Variants in DNTTIP1 observed in about 807,000 individuals in gnomAD.
DNTTIP1 encodes deoxynucleotidyltransferase terminal-interacting protein 1.
Under a neutral mutation model 52.9 loss-of-function variants are expected in DNTTIP1, and 22 were observed. The observed-to-expected ratio is 0.42, with a 90% CI of 0.30 to 0.59. DNTTIP1 has a LOEUF of 0.59. Ranked by LOEUF, DNTTIP1 falls within the 20% of genes least tolerant of loss-of-function variation. DNTTIP1 has a pLI of 0.22. For missense variants in DNTTIP1, 286 were observed against 435.5 expected (o/e 0.66, Z 3.06); for synonymous variants, 136 against 155.1 (o/e 0.88, Z 0.92).
At chr20:45,798,459 GTACCCTAAAACTTAAAGTA>G (rs1981316928) in intron 4 of DNTTIP1, among the ~76,000 whole-genome samples, 2 of 151,932 alleles carry the variant, frequency 1.3e-5, no homozygotes, top group African/African-American at 4.8e-5. Flanking sequence ...TTGTGCACAT[GTACCCTAAAACTTAAAGTA>G]TAATTTAAAA....
chr20:45,807,664 C>T (rs1981691878), intron 10 of DNTTIP1, among the ~76,000 whole-genome samples: 1 of 152,116 alleles, frequency 6.6e-6, no homozygotes, highest in South Asian at 2.1e-4. Flanking sequence ...CACAGTTTCT[C>T]AGCCAGGTGC....
intron 2 of DNTTIP1, 32 bp from the exon 3 acceptor site, chr20:45,793,889 G>A (rs753849329): frequency 2.1e-6 from 3 of 1,400,640 alleles, no homozygotes; most frequent in African/African-American, 2.9e-5. Flanking sequence ...TTTGGGACAT[G>A]CCCCCTCACC....
intron 2 of DNTTIP1, among the ~76,000 whole-genome samples, 190 bp downstream of exon 2, chr20:45,792,937 C>T (rs1409379070): frequency 2.0e-5 from 3 of 152,138 alleles, no homozygotes; most frequent in South Asian, 4.1e-4. Flanking sequence ...TCTGAACTCA[C>T]GTACAAAATG....
At chr20:45,803,027 T>C (rs1981523946) in intron 7 of DNTTIP1, 1 of 349,368 alleles carries the variant, frequency 2.9e-6, no homozygotes. Context: ...GAAGCAGTTT[T>C]ATTCCTCACA....
chr20:45,803,121 C>T (rs1981526480), intron 7 of DNTTIP1: 1 of 536,342 alleles, frequency 1.9e-6, no homozygotes, highest in South Asian at 2.6e-5. Flanking sequence ...TGGAGTTGCT[C>T]ATGCCACTAT....
At chr20:45,795,245 C>T (rs932153832) in intron 3 of DNTTIP1, 100 bp from the exon 4 acceptor site, 160 of 646,342 alleles carry the variant, frequency 2.5e-4, no homozygotes, top group African/African-American at 2.4e-3. Context: ...CTTTTCCCTT[C>T]TGTATGAAGC....
chr20:45,799,966 A>AAAAAATT (rs1206894553), intron 4 of DNTTIP1, among the ~76,000 whole-genome samples: 2 of 151,676 alleles, frequency 1.3e-5, no homozygotes, highest in Non-Finnish European at 2.9e-5. Context: ...AAAAAAAAAA[A>AAAAAATT]AAAAAATTAG....
At chr20:45,804,064 GACC>G (rs1317834142) in intron 8 of DNTTIP1, among the ~76,000 whole-genome samples, 1 of 152,092 alleles carries the variant, frequency 6.6e-6, no homozygotes, top group Non-Finnish European at 1.5e-5. Flanking sequence ...TGGTTTCAGG[GACC>G]ACCATGTTCT....
intron 6 of DNTTIP1, 67 bp from the exon 7 acceptor site, chr20:45,801,932 G>A (rs1254606764): frequency 2.6e-5 from 39 of 1,478,056 alleles, no homozygotes; most frequent in Non-Finnish European, 3.5e-5. Context: ...AAGTGACCCT[G>A]GACCTGCCAA....
At chr20:45,798,784 AG>A (rs1269163786) in intron 4 of DNTTIP1, among the ~76,000 whole-genome samples, 1 of 152,210 alleles carries the variant, frequency 6.6e-6, no homozygotes, top group African/African-American at 2.4e-5. Flanking sequence ...ACAAGAGTTG[AG>A]GCCTAATCTT....
chr20:45,794,291 G>T (rs1192624846), intron 3 of DNTTIP1, among the ~76,000 whole-genome samples: 1 of 152,112 alleles, frequency 6.6e-6, no homozygotes, highest in Admixed American at 6.5e-5. Flanking sequence ...TGGGATTACA[G>T]GTGCCCACCA....
intron 12 of DNTTIP1, 27 bp downstream of exon 12, chr20:45,810,967 TCTC>T: frequency 1.2e-6 from 2 of 1,614,114 alleles, no homozygotes; most frequent in Non-Finnish European, 1.7e-6. Flanking sequence ...TCCTGCCCCT[TCTC>T]CTCTCCCTGC....
chr20:45,792,801 A>G, intron 2 of DNTTIP1, 54 bp downstream of exon 2: 1 of 1,538,894 alleles, frequency 6.5e-7, no homozygotes, highest in Non-Finnish European at 8.8e-7. Flanking sequence ...TGCATGGCAG[A>G]TTTGGGATCC....
chr20:45,795,314 T>C (rs1365534360), intron 3 of DNTTIP1, 31 bp from the exon 4 acceptor site: 8 of 1,403,350 alleles, frequency 5.7e-6, no homozygotes, highest in Non-Finnish European at 8.0e-6. Context: ...TTAACAGGAC[T>C]CTGACCTTGT....
chr20:45,793,557 G>A (rs1238518928), intron 2 of DNTTIP1, among the ~76,000 whole-genome samples: 8 of 152,124 alleles, frequency 5.3e-5, no homozygotes, highest in Admixed American at 2.6e-4. Context: ...AAAATTAGCC[G>A]GGCGTGGTGG....
At chr20:45,794,276 G>T (rs1378329325) in intron 3 of DNTTIP1, among the ~76,000 whole-genome samples, 3 of 152,120 alleles carry the variant, frequency 2.0e-5, no homozygotes, top group Non-Finnish European at 4.4e-5. Flanking sequence ...AGCCTCCCTA[G>T]TGGCTGGGAT....
At chr20:45,792,213 G>C in intron 1 of DNTTIP1, 104 bp downstream of exon 1, 1 of 691,856 alleles carries the variant, frequency 1.4e-6, no homozygotes, top group Non-Finnish European at 2.0e-6. Flanking sequence ...GAGCTGCAGA[G>C]GGGGTTGGCG....
chr20:45,793,518 G>A (rs1489577867), intron 2 of DNTTIP1, among the ~76,000 whole-genome samples: 1 of 152,114 alleles, frequency 6.6e-6, no homozygotes, highest in Non-Finnish European at 1.5e-5. Flanking sequence ...TGACCAAAAT[G>A]GAGAAACCCG....
At chr20:45,801,174 C>A (rs1406390523) in intron 5 of DNTTIP1, 32 bp downstream of exon 5, 6 of 1,604,256 alleles carry the variant, frequency 3.7e-6, no homozygotes, top group Non-Finnish European at 5.1e-6. Flanking sequence ...GGTATTGGAG[C>A]GGGAGGTCCT....
Sources: gnomAD v4.1 joint callset for allele counts (sites outside exome capture counted in the v4.1 genomes callset) on GRCh38, gnomAD v4.1.1 for gene constraint, MANE v1.5 for transcripts, NCBI Gene and HGNC (gene_info 2026-07-23, HGNC 2026-07-21) for gene names.